The following MYRIP variants were observed in gnomAD, a reference collection of about 807,000 sequenced individuals.
MYRIP encodes the protein rab effector MyRIP.
Under a neutral mutation model 98.0 loss-of-function variants are expected in MYRIP, and 49 were observed. The observed-to-expected ratio is 0.50, with a 90% CI of 0.40 to 0.63. The LOEUF is 0.63. MYRIP is among the 30% of genes least tolerant of loss of function. MYRIP has a pLI of 0.00. For missense variants in MYRIP, 1,004 were observed against 1,058.2 expected (o/e 0.95, Z 0.71); for synonymous variants, 404 against 409.5 (o/e 0.99, Z 0.16).
intron 2 of MYRIP, among the ~76,000 whole-genome samples, chr3:40,039,928 G>A (rs998053004): frequency 6.6e-6 from 1 of 151,952 alleles, no homozygotes; most frequent in African/African-American, 2.4e-5. Context: ...CTAGCTTTTG[G>A]TGGCTGCTGG....
At chr3:39,979,840 T>A (rs117843341) in intron 2 of MYRIP, among the ~76,000 whole-genome samples, 1 of 152,150 alleles carries the variant, frequency 6.6e-6, no homozygotes, top group Non-Finnish European at 1.5e-5. Flanking sequence ...AAATACTTTG[T>A]CACCTTTACA....
At chr3:39,957,243 C>G (rs1055653032) in intron 2 of MYRIP, among the ~76,000 whole-genome samples, 2 of 151,732 alleles carry the variant, frequency 1.3e-5, no homozygotes, top group South Asian at 4.1e-4. Flanking sequence ...AATTTTAGAC[C>G]AATATCCCTG....
At chr3:39,815,257 A>G (rs985691389) in intron 1 of MYRIP, among the ~76,000 whole-genome samples, 2 of 152,198 alleles carry the variant, frequency 1.3e-5, no homozygotes, top group East Asian at 3.8e-4. Flanking sequence ...TGGATATTTC[A>G]TATAAATGGA....
intron 2 of MYRIP, among the ~76,000 whole-genome samples, chr3:39,957,565 C>A (rs982387009): frequency 6.6e-6 from 1 of 152,076 alleles, no homozygotes; most frequent in African/African-American, 2.4e-5. Flanking sequence ...AACCCACAGC[C>A]AATATCATAC....
chr3:40,166,806 T>C (rs760768130), intron 5 of MYRIP, 40 bp from the exon 6 acceptor site: 1 of 1,327,630 alleles, frequency 7.5e-7, no homozygotes, highest in South Asian at 1.2e-5. Flanking sequence ...TTACTCATCA[T>C]TCCCTTTTAG....
intron 2 of MYRIP, among the ~76,000 whole-genome samples, chr3:40,007,488 G>A (rs537905856): frequency 2.6e-5 from 4 of 152,300 alleles, no homozygotes; most frequent in Non-Finnish European, 5.9e-5. Flanking sequence ...AGTGTGCACA[G>A]TCTTGATTCA....
At chr3:40,010,164 C>T (rs968887048) in intron 2 of MYRIP, among the ~76,000 whole-genome samples, 5 of 152,170 alleles carry the variant, frequency 3.3e-5, no homozygotes, top group Admixed American at 6.5e-5. Context: ...AAGAATGCAG[C>T]GAGAGGGAAT....
At chr3:39,811,765 G>A (rs534597175) in intron 1 of MYRIP, among the ~76,000 whole-genome samples, 4 of 152,018 alleles carry the variant, frequency 2.6e-5, no homozygotes, top group Admixed American at 6.5e-5. Context: ...TCTGGGTTTC[G>A]TTTGTCTGCG....
intron 2 of MYRIP, among the ~76,000 whole-genome samples, chr3:39,978,511 C>T (rs1294817371): frequency 6.6e-6 from 1 of 152,308 alleles, no homozygotes; most frequent in East Asian, 1.9e-4. Flanking sequence ...TAAATGCATC[C>T]TGTCTCTCTC....
intron 1 of MYRIP, among the ~76,000 whole-genome samples, chr3:39,868,001 T>A (rs1345527670): frequency 6.6e-6 from 1 of 152,330 alleles, no homozygotes; most frequent in African/African-American, 2.4e-5. Flanking sequence ...AATCCTTCTC[T>A]CTCACTGTCT....
chr3:40,013,637 G>C (rs1356380166), intron 2 of MYRIP, among the ~76,000 whole-genome samples: 1 of 152,218 alleles, frequency 6.6e-6, no homozygotes, highest in East Asian at 1.9e-4. Context: ...TCCAGCCCAG[G>C]CTTAACCACT....
chr3:40,249,845 T>C (rs566898742), intron 13 of MYRIP, among the ~76,000 whole-genome samples: 1 of 152,108 alleles, frequency 6.6e-6, no homozygotes, highest in Non-Finnish European at 1.5e-5. Flanking sequence ...AAGCAGGACA[T>C]ATAAATGACT....
chr3:40,002,308 G>A (rs1946535868), intron 2 of MYRIP, among the ~76,000 whole-genome samples: 1 of 152,168 alleles, frequency 6.6e-6, no homozygotes, highest in African/African-American at 2.4e-5. Flanking sequence ...GCTGAGGTGG[G>A]TGGATCACCT....
intron 3 of MYRIP, among the ~76,000 whole-genome samples, chr3:40,122,357 A>C (rs1162681530): frequency 6.6e-6 from 1 of 151,584 alleles, no homozygotes; most frequent in African/African-American, 2.4e-5. Context: ...GTGAAATGAA[A>C]ATATGAGAAA....
In MYRIP at chr3:39,935,741, C is replaced by A. The variant is rs536504734; in HGVS notation, c.110+34815C>A. On this transcript the variant is annotated intron_variant, in intron 2 of 16. Coordinates refer to ENST00000302541, the MANE Select transcript of MYRIP (RefSeq NM_015460.4). ...GGAATTCACTGATGTCAAGGACAAGCAGGAACAGGAAATGCTGATGTATGG... is the reference window on the plus strand; with the variant it reads ...GGAATTCACTGATGTCAAGGACAAGAAGGAACAGGAAATGCTGATGTATGG... 3.9e-5 allele frequency among the ~76,000 whole-genome samples: 6 copies of A among 152,166 alleles called. No individual in the cohort carries two copies. The East Asian group carries it at 1.2e-3, about 29-fold the overall frequency.
chr3:40,088,223 CT>C (rs1056458874), intron 3 of MYRIP, among the ~76,000 whole-genome samples: 13 of 152,164 alleles, frequency 8.5e-5, no homozygotes, highest in African/African-American at 3.1e-4. Context: ...ACTCATCAGT[CT>C]TTACTAGTCT....
intron 2 of MYRIP, among the ~76,000 whole-genome samples, chr3:40,007,594 G>A (rs1021378076): frequency 2.0e-5 from 3 of 152,170 alleles, no homozygotes; most frequent in African/African-American, 7.2e-5. Context: ...GGCATTGTGT[G>A]CCGAGTATCT....
chr3:39,971,764 C>G (rs1205126300), intron 2 of MYRIP, among the ~76,000 whole-genome samples: 1 of 151,998 alleles, frequency 6.6e-6, no homozygotes, highest in East Asian at 1.9e-4. Context: ...GAATTAAATT[C>G]TTATTTATTC....
At chr3:40,219,669 A>T (rs868614603) in intron 11 of MYRIP, among the ~76,000 whole-genome samples, 1 of 151,898 alleles carries the variant, frequency 6.6e-6, no homozygotes, top group African/African-American at 2.4e-5. Flanking sequence ...TGAACTCATC[A>T]TTTTTTATGG....
Sources: allele counts gnomAD v4.1 joint callset (sites outside exome capture counted in the v4.1 genomes callset), GRCh38; gene constraint gnomAD v4.1.1; transcripts MANE v1.5; gene names NCBI Gene and HGNC (gene_info 2026-07-23, HGNC 2026-07-21).